The following ATP13A3 variants were observed in gnomAD, a reference collection of about 807,000 sequenced individuals.
ATP13A3 encodes the protein polyamine-transporting ATPase 13A3.
Under a neutral mutation model 158.1 loss-of-function variants are expected in ATP13A3, and 59 were observed. That is an observed-to-expected ratio of 0.37 (90% CI 0.30 to 0.46). The LOEUF is 0.46. ATP13A3 is among the 20% of genes least tolerant of loss of function. The pLI is 1.00. For missense variants in ATP13A3, 1,166 were observed against 1,525.2 expected, an observed-to-expected ratio of 0.76 and a Z score of 3.92; for synonymous variants, 491 against 504.3, an observed-to-expected ratio of 0.97 and a Z score of 0.35.
At chr3:194,453,866 C>CA in intron 9 of ATP13A3, 88 bp from the exon 10 acceptor site, 1 of 904,692 alleles carries the variant, frequency 1.1e-6, no homozygotes, top group Non-Finnish European at 1.8e-6. Context: ...TAAGTTAATT[C>CA]AATAAATGCA....
In ATP13A3 at chr3:194,428,959, T is replaced by C. The variant is rs546683785; in HGVS notation, c.2875-42A>G. 2.2e-6 allele frequency: 3 copies of C among 1,349,962 alleles called. 1 individual carries two copies. In the South Asian group the frequency reaches 4.0e-5, roughly 18 times the overall value. 83.6% of individuals were successfully genotyped at this position (1,349,962 alleles called of 1,614,324 possible). The stretch of plus-strand genomic sequence containing the variant: ...AAAAACATTATTAGTTTTTGGGAAT[T>C]ATTTTTATAGCGTCCCCAGGTTTTA... On this transcript the variant is annotated intron_variant, in intron 27 of 33. Transcript: ENST00000645319.
rs749919272 is a variant in ATP13A3, at chr3:194,438,992, A to C, written c.1711-20T>G. 7.7e-6 allele frequency: 11 copies of C among 1,424,858 alleles called. No individual in the cohort carries two copies. The highest frequency in any genetic ancestry group is 4.4e-5 in the African/African-American group (3 of 68,048). The allele number at this position is 1,424,858 out of a possible 1,614,324, so 88.3% of individuals were successfully genotyped here. On this transcript the variant is annotated intron_variant, in intron 16 of 33. Transcript: ENST00000645319. ...CAGAATCTGGAAAAAAAAAAGAGAC[A>C]AAAAAAAACAAAAACACAACATTCA...
At chr3:194,454,624 C>T (rs565424329) in intron 8 of ATP13A3, among the ~76,000 whole-genome samples, 1 of 151,614 alleles carries the variant, frequency 6.6e-6, no homozygotes, top group Non-Finnish European at 1.5e-5. Context: ...GTCAGGAGAT[C>T]AAAACATCCT....
At chr3:194,460,096 A>G (rs933612848) in intron 4 of ATP13A3, 125 bp from the exon 5 acceptor site, 2 of 741,178 alleles carry the variant, frequency 2.7e-6, no homozygotes, top group African/African-American at 3.6e-5. Flanking sequence ...CATCACGCCT[A>G]CTCACTAAAT....
chr3:194,421,880 T>C (rs1265037766), intron 30 of ATP13A3, among the ~76,000 whole-genome samples: 1 of 143,298 alleles, frequency 7.0e-6, no homozygotes, highest in African/African-American at 2.8e-5. Flanking sequence ...TCAAATCTGA[T>C]TGCATTTTTC....
chr3:194,475,209 C>A (rs1258230682), intron 2 of ATP13A3, among the ~76,000 whole-genome samples: 4 of 152,154 alleles, frequency 2.6e-5, no homozygotes, highest in African/African-American at 7.2e-5. Flanking sequence ...TTTTTTCTTA[C>A]TGATAGCAAA....
In ATP13A3 at chr3:194,404,071, T is replaced by A. The variant is rs758719986; in HGVS notation, c.*1848A>T. On this transcript the variant is annotated 3_prime_UTR_variant, in exon 34 of 34. Coordinates refer to ENST00000645319, the MANE Select transcript of ATP13A3 (RefSeq NM_001367549.1). ...AGAATAAAATGCACAATTGTGGAAA[T>A]CACTGAAGAATAACACGAGCATATT... 8 of 448,974 alleles carry A rather than the reference T, an allele frequency of 1.8e-5. No individual in the cohort carries two copies. Among genetic ancestry groups the A allele is most frequent in the South Asian group, 1.3e-4 (8 of 63,092 alleles). 27.8% of individuals were successfully genotyped at this position (448,974 alleles called of 1,614,324 possible).
At chr3:194,439,199 G>T (rs2108856220) in intron 16 of ATP13A3, among the ~76,000 whole-genome samples, 1 of 152,284 alleles carries the variant, frequency 6.6e-6, no homozygotes, top group African/African-American at 2.4e-5. Flanking sequence ...ATGGGAGAAG[G>T]GTTGCTTCAT....
At chr3:194,481,757 G>C (rs1720759342) in intron 2 of ATP13A3, among the ~76,000 whole-genome samples, 1 of 152,088 alleles carries the variant, frequency 6.6e-6, no homozygotes, top group African/African-American at 2.4e-5. Context: ...CACATAATTA[G>C]GAAATTCTAC....
chr3:194,447,797 C>A, intron 13 of ATP13A3, 55 bp downstream of exon 13: 1 of 1,440,300 alleles, frequency 6.9e-7, no homozygotes, highest in East Asian at 2.3e-5. Context: ...TCCTCAATAG[C>A]TGCATATGAT....
At chr3:194,434,695 T>A (rs1484303789) in intron 20 of ATP13A3, among the ~76,000 whole-genome samples, 1 of 152,140 alleles carries the variant, frequency 6.6e-6, no homozygotes, top group African/African-American at 2.4e-5. Context: ...AATAGGAGGA[T>A]TGCTTGAACC....
intron 20 of ATP13A3, 132 bp from the exon 21 acceptor site, chr3:194,434,028 A>T: frequency 1.0e-6 from 1 of 964,668 alleles, no homozygotes; most frequent in East Asian, 2.7e-5. Flanking sequence ...TCTATAAATG[A>T]AAACATTTTA....
intron 33 of ATP13A3, 95 bp downstream of exon 33, chr3:194,412,104 A>T: frequency 1.0e-6 from 1 of 997,368 alleles, no homozygotes; most frequent in Admixed American, 2.0e-5. Flanking sequence ...AGAGAATAAC[A>T]CATAACAGAA....
chr3:194,482,213 C>A (rs192294936), intron 2 of ATP13A3, among the ~76,000 whole-genome samples: 2 of 152,228 alleles, frequency 1.3e-5, no homozygotes, highest in East Asian at 3.9e-4. Flanking sequence ...TTACCATTTA[C>A]TCATGTCATC....
rs1242507567 is a variant in ATP13A3, at chr3:194,403,453, G to A, written c.*2466C>T. 1 of 152,118 alleles carries A rather than the reference G, an allele frequency of 6.6e-6. No homozygotes were observed. Among genetic ancestry groups the A allele is most frequent in the East Asian group, 1.9e-4 (1 of 5,194 alleles). 9.4% of individuals were successfully genotyped at this position (152,118 alleles called of 1,614,324 possible). A position where few individuals can be genotyped will look rare whatever the true frequency, so the allele number is the denominator to read the frequency against. On this transcript the variant is annotated 3_prime_UTR_variant, in exon 34 of 34. Coordinates refer to ENST00000645319, the MANE Select transcript of ATP13A3 (RefSeq NM_001367549.1). ...GAAAAAAAACTTTAAACAACCCTGA[G>A]GGAGACACACATTAAAAATCTTGTT... is the stretch of plus-strand genomic sequence containing the variant.
intron 2 of ATP13A3, among the ~76,000 whole-genome samples, chr3:194,471,634 G>A (rs1224116870): frequency 1.3e-5 from 2 of 152,198 alleles, no homozygotes; most frequent in African/African-American, 2.4e-5. Context: ...GATTACAGGC[G>A]TGAGCTACCA....
In ATP13A3 at chr3:194,460,727, C is replaced by A. The variant is rs766293428; in HGVS notation, c.156G>T (p.Glu52Asp). The change falls in exon 4 of 34, where the codon GAG (glutamate) becomes GAT (aspartate). Residue 52 changes from glutamate to aspartate, a missense_variant. Coordinates refer to ENST00000645319, the MANE Select transcript of ATP13A3 (RefSeq NM_001367549.1). ...TGACACAGGTCGCTTTCACCCGCCA[C>A]TCAGGCATCCAATAGAGGAGGAGGA... ...FLLLLLYWMP[E>D]WRVKATCVRA... is the part of the protein sequence containing the mutation. The A allele has an allele frequency of 5.6e-6, 9 of 1,614,056 alleles. No homozygotes were observed. The highest frequency in any genetic ancestry group is 8.5e-7 in the Non-Finnish European group (1 of 1,180,026).
chr3:194,405,923 GT>G lies in ATP13A3; in HGVS notation c.3766del (p.Thr1256HisfsTer19). ...ACCACTGAGACTGATTCACTGCTAT[GT>G]TATGGTGATGATTTGACATGATCCA... ...ENGSCQIITIT is the reference protein window; with the variant it reads ...ENGSCQIITIX On this transcript the variant is annotated frameshift_variant, in exon 34 of 34. Transcript: ENST00000645319. LOFTEE classifies it high-confidence loss of function. 1 of 1,613,802 alleles carries G rather than the reference GT, an allele frequency of 6.2e-7. No individual in the cohort carries two copies. Among genetic ancestry groups the G allele is most frequent in the Non-Finnish European group, 8.5e-7 (1 of 1,179,750 alleles).
At position 194,475,121 on chromosome 3, in the gene ATP13A3, G is replaced by A. The variant is rs1322962904; in HGVS notation, c.-47+10673C>T. Among the ~76,000 whole-genome samples the A allele has an allele frequency of 2.6e-5, 4 of 152,286 alleles. No individual in the cohort carries two copies. The South Asian group carries it at 6.2e-4, about 24-fold the overall frequency. On this transcript the variant is annotated intron_variant, in intron 2 of 33. Coordinates refer to ENST00000645319, the MANE Select transcript of ATP13A3 (RefSeq NM_001367549.1). ...GGAAGAGTAGAGAAGAAAAAAAGAAGAGTGGAAGAAAATTTTCCAGAGGTT... is the reference window on the plus strand; with the variant it reads ...GGAAGAGTAGAGAAGAAAAAAAGAAAAGTGGAAGAAAATTTTCCAGAGGTT...
Sources: gnomAD v4.1 joint callset for allele counts (sites outside exome capture counted in the v4.1 genomes callset) on GRCh38, gnomAD v4.1.1 for gene constraint, MANE v1.5 for transcripts, NCBI Gene and HGNC (gene_info 2026-07-23, HGNC 2026-07-21) for gene names.